The following OR2L2 variants were observed in gnomAD, a reference collection of about 807,000 sequenced individuals.
The protein encoded by OR2L2 is olfactory receptor family 2 subfamily L member 2, also known as olfactory receptor 2L2.
For missense variants in OR2L2, 378 were observed against 375.2 expected, an observed-to-expected ratio of 1.01 and a Z score of -0.06; for synonymous variants, 156 against 135.4, an observed-to-expected ratio of 1.15 and a Z score of -1.06.
chr1:248,038,245 A>G lies in OR2L2; in HGVS notation c.-21-2A>G, dbSNP rs1452354958. 6.6e-7 allele frequency: 1 copy of G among 1,516,026 alleles called. No individual in the cohort carries two copies. The highest frequency in any genetic ancestry group is 1.7e-5 in the Admixed American group (1 of 58,164). The allele number at this position is 1,516,026 out of a possible 1,614,324, so 93.9% of individuals were successfully genotyped here. On this transcript the variant is annotated splice_acceptor_variant, in intron 2 of 2. Transcript: ENST00000641771. LOFTEE classifies it low-confidence loss of function (5UTR_SPLICE). ...TTAATTTACCCTTTTGTCTCCCTTCAGGATGGATTGTAGGAATTCCCCATG... is the reference window on the plus strand; with the variant it reads ...TTAATTTACCCTTTTGTCTCCCTTCGGGATGGATTGTAGGAATTCCCCATG...
chr1:248,031,405 G>C (rs1480906578), intron 1 of OR2L2, among the ~76,000 whole-genome samples: 2 of 152,202 alleles, frequency 1.3e-5, no homozygotes, highest in African/African-American at 4.8e-5. Context: ...CTGGTAGAAA[G>C]AAAGACTTTT....
rs190119905 is a variant in OR2L2, at chr1:248,040,742, A to T, written c.*1536A>T. ...TGTAAGGCTTGCTGTCAATAGTAGG[A>T]TATCAGTAGTTAGGTTTTGGGGAGT... On this transcript the variant is annotated 3_prime_UTR_variant, in exon 3 of 3. Transcript: ENST00000641771. 4.0e-4 allele frequency: 61 copies of T among 152,318 alleles called. No homozygotes were observed. Among genetic ancestry groups the T allele is most frequent in the African/African-American group, 1.4e-3 (59 of 41,562 alleles). 9.4% of individuals were successfully genotyped at this position (152,318 alleles called of 1,614,324 possible).
Position 248,039,315 on chromosome 1 carries a change from C to A in OR2L2, c.*109C>A. On this transcript the variant is annotated 3_prime_UTR_variant, in exon 3 of 3. Transcript: ENST00000641771. ...CCCAGTGTGTCAAACAGAAGTTAAT[C>A]TAGAAGAAATTTGTCTTTTAATTTA... The A allele has an allele frequency of 1.1e-6, 1 of 877,682 alleles. No homozygotes were observed. The highest frequency in any genetic ancestry group is 1.6e-6 in the Non-Finnish European group (1 of 614,336). The allele number at this position is 877,682 out of a possible 1,614,324, so 54.4% of individuals were successfully genotyped here. A position where few individuals can be genotyped will look rare whatever the true frequency, so the allele number is the denominator to read the frequency against.
intron 1 of OR2L2, among the ~76,000 whole-genome samples, chr1:248,035,163 A>G (rs1662722832): frequency 6.6e-6 from 1 of 151,368 alleles, no homozygotes; most frequent in Admixed American, 6.6e-5. Context: ...AAAAAGTGTC[A>G]CTCTTGGCCA....
chr1:248,038,913 T>G lies in OR2L2; in HGVS notation c.646T>G (p.Ser216Ala). 1 of 1,614,134 alleles carries G rather than the reference T, an allele frequency of 6.2e-7. No individual in the cohort carries two copies. The highest frequency in any genetic ancestry group is 8.5e-7 in the Non-Finnish European group (1 of 1,180,020). The stretch of plus-strand genomic sequence containing the variant: ...GCTTCCTTTCACTGGTATTGCATGT[T>G]CCTATGGCCGGGTTCTCCTTGCTGT... ...LVLPFTGIAC[S>A]YGRVLLAVYR... is the part of the protein sequence containing the mutation. The change falls in exon 3 of 3, where the codon TCC becomes GCC. Residue 216 changes from serine (S) to alanine (A), a missense_variant. Transcript: ENST00000641771.
chr1:248,036,340 T>G (rs1181435432), intron 2 of OR2L2, among the ~76,000 whole-genome samples: 1 of 152,228 alleles, frequency 6.6e-6, no homozygotes, highest in Non-Finnish European at 1.5e-5. Context: ...CAAAGAGTCA[T>G]TTATTGTTAC....
intron 1 of OR2L2, among the ~76,000 whole-genome samples, chr1:248,030,839 A>T (rs1662599718): frequency 6.6e-6 from 1 of 152,116 alleles, no homozygotes; most frequent in East Asian, 1.9e-4. Context: ...GTGTGTGGAG[A>T]TAGTCAATAA....
chr1:248,038,034 ATTG>A, intron 2 of OR2L2: 1 of 396,636 alleles, frequency 2.5e-6, no homozygotes, highest in Non-Finnish European at 4.5e-6. Flanking sequence ...TATAGTTGTA[ATTG>A]TTCTATTTTA....
Position 248,038,928 on chromosome 1 carries a change from C to T in OR2L2, c.661C>T (p.Leu221Phe). The T allele has an allele frequency of 6.2e-7, 1 of 1,614,156 alleles. No homozygotes were observed. The highest frequency in any genetic ancestry group is 8.5e-7 in the Non-Finnish European group (1 of 1,180,024). ...TGIACSYGRV[L>F]LAVYRMHSAE... Reference sequence around the variant, plus strand: ...TATTGCATGTTCCTATGGCCGGGTTCTCCTTGCTGTCTACCGCATGCACTC... The same window carrying T: ...TATTGCATGTTCCTATGGCCGGGTTTTCCTTGCTGTCTACCGCATGCACTC... The change falls in exon 3 of 3, where the codon CTC becomes TTC. Residue 221 changes from leucine to phenylalanine, a missense_variant. Physicochemically the swap from Leu to Phe is conservative, Grantham distance 22. Transcript: ENST00000641771.
In OR2L2 at chr1:248,038,729, C is replaced by T. The variant is rs148872934; in HGVS notation, c.462C>T (p.Asn154=). 6.2e-7 allele frequency: 1 copy of T among 1,614,038 alleles called. No individual in the cohort carries two copies. Among genetic ancestry groups the T allele is most frequent in the African/African-American group, 1.3e-5 (1 of 74,906 alleles). Reference sequence around the variant, plus strand: ...GATCTTGGATGATAAGCTCTATCAACTCTTGTGCTCACACAGTATATGCAC... The same window carrying T: ...GATCTTGGATGATAAGCTCTATCAATTCTTGTGCTCACACAGTATATGCAC... ...ITGSWMISSI[N]SCAHTVYALC... is the part of the protein sequence containing the mutation. The change falls in exon 3 of 3, where the codon AAC becomes AAT. Residue 154 remains asparagine (N), a synonymous_variant. Coordinates refer to ENST00000641771, the MANE Select transcript of OR2L2 (RefSeq NM_001385855.1).
chr1:248,032,320 C>G (rs1223125852), intron 1 of OR2L2, among the ~76,000 whole-genome samples: 5 of 151,980 alleles, frequency 3.3e-5, no homozygotes, highest in Admixed American at 1.3e-4. Context: ...TTATTTCATA[C>G]ATGAGATAAT....
rs185106511 is a variant in OR2L2 at position 248,038,628 on chromosome 1, C to A, written c.361C>A (p.Arg121Ser). The A allele has an allele frequency of 6.2e-7, 1 of 1,614,114 alleles. No homozygotes were observed. The highest frequency in any genetic ancestry group is 2.2e-5 in the East Asian group (1 of 44,886). ...GLLLTSMAYDRYVAICFPLHY... is the reference protein window; with the variant it reads ...GLLLTSMAYDSYVAICFPLHY... ...GCTCCTGACATCAATGGCCTATGAT[C>A]GTTATGTGGCCATTTGCTTTCCTCT... is the stretch of plus-strand genomic sequence containing the variant. The change falls in exon 3 of 3, where the codon CGT becomes AGT. Residue 121 changes from arginine to serine, a missense_variant. Physicochemically the swap from Arg to Ser is moderately radical, Grantham distance 110. Coordinates refer to ENST00000641771, the MANE Select transcript of OR2L2 (RefSeq NM_001385855.1).
chr1:248,041,215 A>G lies in OR2L2; in HGVS notation c.*2009A>G, dbSNP rs1662941663. ...TCAGAAATAACGCCGCATATCTACA[A>G]CTATCTGATCTTTGACAAACCTGAG... On this transcript the variant is annotated 3_prime_UTR_variant, in exon 3 of 3. Transcript: ENST00000641771. 6.6e-6 allele frequency: 1 copy of G among 152,146 alleles called. No homozygotes were observed. Among genetic ancestry groups the G allele is most frequent in the African/African-American group, 2.4e-5 (1 of 41,436 alleles). The allele number at this position is 152,146 out of a possible 1,614,324, so 9.4% of individuals were successfully genotyped here.
rs1231057564 is a variant in OR2L2 at position 248,038,495 on chromosome 1, T to C, written c.228T>C (p.Ile76=). The C allele has an allele frequency of 6.2e-7, 1 of 1,613,970 alleles. No homozygotes were observed. The highest frequency in any genetic ancestry group is 1.1e-5 in the South Asian group (1 of 91,074). ...TTGACCTAAATTACATCTCCACCAT[T>C]GTTCCAAAGATGGTTTATGATTTTC... ...SLIDLNYIST[I]VPKMVYDFLY... The change falls in exon 3 of 3, where the codon ATT becomes ATC. Residue 76 remains isoleucine, a synonymous_variant. Coordinates refer to ENST00000641771, the MANE Select transcript of OR2L2 (RefSeq NM_001385855.1).
intron 1 of OR2L2, among the ~76,000 whole-genome samples, chr1:248,031,858 A>G (rs1330408908): frequency 6.6e-6 from 1 of 152,182 alleles, no homozygotes; most frequent in Non-Finnish European, 1.5e-5. Flanking sequence ...ACTCAGTTAT[A>G]ATATGGCATT....
chr1:248,039,673 T>C lies in OR2L2; in HGVS notation c.*467T>C, dbSNP rs1662888240. On this transcript the variant is annotated 3_prime_UTR_variant, in exon 3 of 3. Transcript: ENST00000641771. ...CATTAACATGTAGAAATCAAAACAA[T>C]AAAGGTCCAAACTAATCATATCATT... The C allele has an allele frequency of 1.3e-5, 2 of 153,284 alleles. No homozygotes were observed. The highest frequency in any genetic ancestry group is 1.5e-5 in the Non-Finnish European group (1 of 68,898). The allele number at this position is 153,284 out of a possible 1,614,324, so 9.5% of individuals were successfully genotyped here.
At position 248,042,244 on chromosome 1, in the gene OR2L2, C is replaced by CTA. The variant is rs1662970458; in HGVS notation, c.*3040_*3041dup. 1 of 151,442 alleles carries CTA rather than the reference C, an allele frequency of 6.6e-6. No individual in the cohort carries two copies. Among genetic ancestry groups the CTA allele is most frequent in the Non-Finnish European group, 1.5e-5 (1 of 67,950 alleles). 9.4% of individuals were successfully genotyped at this position (151,442 alleles called of 1,614,324 possible). A position where few individuals can be genotyped will look rare whatever the true frequency, so the allele number is the denominator to read the frequency against. The stretch of plus-strand genomic sequence containing the variant: ...ATTGGAAATCATCATTCTCACTAAA[C>CTA]TATCACAAGAACAAAAAACCAAACA... On this transcript the variant is annotated 3_prime_UTR_variant, in exon 3 of 3. Coordinates refer to ENST00000641771, the MANE Select transcript of OR2L2 (RefSeq NM_001385855.1).
chr1:248,032,989 C>A (rs1662659864), intron 1 of OR2L2, among the ~76,000 whole-genome samples: 1 of 150,912 alleles, frequency 6.6e-6, no homozygotes, highest in Non-Finnish European at 1.5e-5. Flanking sequence ...AAACATAAAA[C>A]CCTATTGTAA....
chr1:248,037,967 T>G (rs1662811752), intron 2 of OR2L2, among the ~76,000 whole-genome samples: 1 of 152,210 alleles, frequency 6.6e-6, no homozygotes, highest in African/African-American at 2.4e-5. Flanking sequence ...TTTTTCAATA[T>G]GATGGTTTGA....
Sources: gnomAD v4.1 joint callset for allele counts (sites outside exome capture counted in the v4.1 genomes callset) on GRCh38, gnomAD v4.1.1 for gene constraint, MANE v1.5 for transcripts, NCBI Gene and HGNC (gene_info 2026-07-23, HGNC 2026-07-21) for gene names.